MYO10: variants seen among roughly 807,000 people sequenced by gnomAD.
The protein encoded by MYO10 is unconventional myosin-X.
A neutral mutation model predicts 257.3 loss-of-function variants in MYO10; 133 were observed. The ratio of observed to expected loss-of-function variants is 0.52; its 90% CI spans 0.45 to 0.60. MYO10 has a LOEUF of 0.60. Among genes scored for constraint, MYO10 ranks in the 20% least tolerant of loss-of-function variants. The pLI, the probability that MYO10 is intolerant of heterozygous loss-of-function variation, is 0.00. For synonymous variants in MYO10, 1,104 were observed against 1,028.6 expected (o/e 1.07, Z -1.40); for missense variants, 2,399 against 2,635.7 (o/e 0.91, Z 1.97).
intron 2 of MYO10, among the ~76,000 whole-genome samples, chr5:16,822,490 A>G (rs1375390119): frequency 1.3e-5 from 2 of 152,128 alleles, no homozygotes; most frequent in Non-Finnish European, 2.9e-5. Context: ...AATGAAGGTC[A>G]GGGTGGACTA....
chr5:16,895,738 C>T lies in MYO10; in HGVS notation c.22-18031G>A, dbSNP rs562182224. On this transcript the variant is annotated intron_variant, in intron 1 of 40. Transcript: ENST00000513610. ...ACTCTGGCCATGATGTAAGCCGCCC[C>T]CTCCCCAACACCACAACACACACAC... 6.2e-5 allele frequency among the ~76,000 whole-genome samples: 9 copies of T among 145,110 alleles called. No individual in the cohort carries two copies. The South Asian group carries it at 1.1e-3, about 18-fold the overall frequency.
rs546922390 is a variant in MYO10, at chr5:16,792,708, C to CAT, written c.467+1937_467+1938insAT. On this transcript the variant is annotated intron_variant, in intron 4 of 40. Coordinates refer to ENST00000513610, the MANE Select transcript of MYO10 (RefSeq NM_012334.3). ...CATGGCCACCAGTTACCTGGCTATA[C>CAT]CCATGACCAGGTGGGTCTGTCTGTG... 2.6e-4 allele frequency among the ~76,000 whole-genome samples: 39 copies of CAT among 152,274 alleles called. No homozygotes were observed. The South Asian group carries it at 8.1e-3, about 32-fold the overall frequency.
intron 27 of MYO10, among the ~76,000 whole-genome samples, chr5:16,690,902 A>G (rs777101089): frequency 1.3e-5 from 2 of 152,148 alleles, no homozygotes; most frequent in Non-Finnish European, 2.9e-5. Context: ...TGTTAGGATC[A>G]GACCAGAGAT....
At chr5:16,708,042 A>G (rs1181667550) in intron 21 of MYO10, among the ~76,000 whole-genome samples, 1 of 152,234 alleles carries the variant, frequency 6.6e-6, no homozygotes, top group Non-Finnish European at 1.5e-5. Flanking sequence ...CCTGCTATCC[A>G]ACATGTAACT....
At chr5:16,777,558 T>C (rs753061757) in intron 9 of MYO10, among the ~76,000 whole-genome samples, 30 of 152,318 alleles carry the variant, frequency 2.0e-4, no homozygotes, top group Non-Finnish European at 4.0e-4. Context: ...TGAGGTGCAC[T>C]GAAACCAGGT....
chr5:16,793,829 G>A (rs1358592127), intron 4 of MYO10, among the ~76,000 whole-genome samples: 2 of 151,788 alleles, frequency 1.3e-5, no homozygotes, highest in Non-Finnish European at 2.9e-5. Context: ...TACTCGGGAG[G>A]CTGAGGCAGG....
At chr5:16,764,616 A>G (rs1358811391) in intron 11 of MYO10, among the ~76,000 whole-genome samples, 1 of 152,254 alleles carries the variant, frequency 6.6e-6, no homozygotes, top group African/African-American at 2.4e-5. Context: ...CCAGGATTCC[A>G]AACTCAACTT....
intron 1 of MYO10, among the ~76,000 whole-genome samples, chr5:16,928,672 C>A (rs56077832): frequency 6.6e-6 from 1 of 151,650 alleles, no homozygotes; most frequent in African/African-American, 2.4e-5. Flanking sequence ...GGTGAAACCC[C>A]ATCTCTACTA....
intron 4 of MYO10, among the ~76,000 whole-genome samples, chr5:16,794,063 T>C (rs1240305103): frequency 6.6e-6 from 1 of 152,042 alleles, no homozygotes; most frequent in Non-Finnish European, 1.5e-5. Flanking sequence ...CCAAGTGCCT[T>C]CTCACCCACT....
intron 2 of MYO10, among the ~76,000 whole-genome samples, chr5:16,850,142 G>C (rs114465559): frequency 5.8e-4 from 88 of 152,284 alleles, no homozygotes; most frequent in African/African-American, 1.9e-3. Flanking sequence ...ATTCGTATTT[G>C]TCCACTGTGC....
At chr5:16,708,793 G>A (rs1387810949) in intron 21 of MYO10, among the ~76,000 whole-genome samples, 1 of 152,120 alleles carries the variant, frequency 6.6e-6, no homozygotes, top group African/African-American at 2.4e-5. Context: ...AGACTCCTGG[G>A]CTCAAGCGAT....
chr5:16,750,466 C>T (rs1473944193), intron 19 of MYO10, among the ~76,000 whole-genome samples: 2 of 152,028 alleles, frequency 1.3e-5, no homozygotes, highest in Non-Finnish European at 2.9e-5. Flanking sequence ...GATTCTTCAA[C>T]CCCAGATGCG....
Position 16,684,189 on chromosome 5 carries a change from ATTTC to A in MYO10, c.3991-258_3991-255del, listed in dbSNP as rs750069899. Among the ~76,000 whole-genome samples the A allele has an allele frequency of 5.6e-4, 85 of 152,242 alleles. No individual in the cohort carries two copies. In the East Asian group the frequency reaches 0.011, roughly 19 times the overall value. On this transcript the variant is annotated intron_variant, in intron 29 of 40. Transcript: ENST00000513610. Reference sequence around the variant, plus strand: ...TTACCTCTTAACCTTTCAATAATTTATTTCTTTGTTTTTAAAAATATTTTAACTA... The same window carrying A: ...TTACCTCTTAACCTTTCAATAATTTATTTGTTTTTAAAAATATTTTAACTA...
intron 19 of MYO10, among the ~76,000 whole-genome samples, chr5:16,734,422 C>T (rs948085547): frequency 6.6e-6 from 1 of 152,184 alleles, no homozygotes; most frequent in Non-Finnish European, 1.5e-5. Flanking sequence ...ACGGTGCCCA[C>T]GTTCAAATGA....
At chr5:16,848,964 ACTT>A (rs778437297) in intron 2 of MYO10, among the ~76,000 whole-genome samples, 17 of 152,100 alleles carry the variant, frequency 1.1e-4, no homozygotes, top group South Asian at 2.1e-4. Context: ...ATTAATTATT[ACTT>A]CTTCTTGAAA....
intron 35 of MYO10, 107 bp downstream of exon 35, chr5:16,674,746 A>G: frequency 1.6e-6 from 2 of 1,290,156 alleles, no homozygotes; most frequent in Non-Finnish European, 2.2e-6. Flanking sequence ...TCCCTGTCCT[A>G]CTAGAGGTGT....
intron 19 of MYO10, among the ~76,000 whole-genome samples, chr5:16,713,136 A>T (rs537525811): frequency 6.6e-6 from 1 of 152,320 alleles, no homozygotes; most frequent in African/African-American, 2.4e-5. Flanking sequence ...CTTAATATTT[A>T]ATCACTTGAT....
At chr5:16,751,356 T>G (rs1413630435) in intron 19 of MYO10, among the ~76,000 whole-genome samples, 1 of 152,210 alleles carries the variant, frequency 6.6e-6, no homozygotes, top group African/African-American at 2.4e-5. Flanking sequence ...TGGAACCAAA[T>G]GAATGCTAAT....
intron 2 of MYO10, among the ~76,000 whole-genome samples, chr5:16,819,403 G>T (rs1411339753): frequency 2.0e-5 from 3 of 152,136 alleles, no homozygotes; most frequent in African/African-American, 7.2e-5. Context: ...AGCTCCATCT[G>T]TTGACCAAAG....
Sources: gnomAD v4.1 joint callset for allele counts (sites outside exome capture counted in the v4.1 genomes callset) on GRCh38, gnomAD v4.1.1 for gene constraint, MANE v1.5 for transcripts, NCBI Gene and HGNC (gene_info 2026-07-23, HGNC 2026-07-21) for gene names.